Variants in FANCC observed in about 807,000 individuals in gnomAD.
FANCC encodes the protein Fanconi anemia group C protein.
In FANCC, 55 loss-of-function variants were observed where a neutral mutation model predicts 71.3. That is an observed-to-expected ratio of 0.77 (90% confidence interval 0.62 to 0.97). The LOEUF (loss-of-function observed/expected upper bound fraction) is 0.97, where lower values mean the gene tolerates loss of function less well. FANCC is among the 50% of genes least tolerant of loss of function. The pLI, the probability that FANCC is intolerant of heterozygous loss-of-function variation, is 0.00. For missense variants in FANCC, 678 were observed against 670.9 expected (o/e 1.01, Z -0.12); for synonymous variants, 275 against 244.9 (o/e 1.12, Z -1.15).
intron 1 of FANCC, among the ~76,000 whole-genome samples, chr9:95,276,802 A>G (rs1415724967): frequency 6.6e-6 from 1 of 152,232 alleles, no homozygotes; most frequent in Non-Finnish European, 1.5e-5. Flanking sequence ...TCTATTGTAC[A>G]GTAGGTTGAC....
At position 95,195,196 on chromosome 9, in the gene FANCC, CAAA is replaced by C. The variant is rs34771312; in HGVS notation, c.346-23052_346-23050del. Among the ~76,000 whole-genome samples, 177 of 42,576 alleles carry C rather than the reference CAAA, an allele frequency of 4.2e-3. No individual in the cohort carries two copies. The South Asian group carries it at 0.069, about 16-fold the overall frequency. 27.9% of individuals were successfully genotyped at this position (42,576 alleles called of 152,430 possible). On this transcript the variant is annotated intron_variant, in intron 4 of 14. Transcript: ENST00000289081. ...CTGGCAACAGAGTGAGACTCCGTCT[CAAA>C]AAAAAAAAAAAAAAAAAAAAAACCA... is the stretch of plus-strand genomic sequence containing the variant.
At position 95,293,727 on chromosome 9, in the gene FANCC, T is replaced by C. The variant is rs139112583; in HGVS notation, c.-79+23799A>G. The C allele has an allele frequency of 1.8e-3, 2,982 of 1,613,950 alleles. 55 individuals are homozygous for C. In the African/African-American group the frequency reaches 0.036, roughly 20 times the overall value. On this transcript the variant is annotated intron_variant, in intron 1 of 14. Coordinates refer to ENST00000289081, the MANE Select transcript of FANCC (RefSeq NM_000136.3). ...CATTAGTGTTCACACTCAGACATTT[T>C]TGCCCAGCTCTAAGGTAACTTCATC...
chr9:95,263,502 GTA>G (rs371617986), intron 1 of FANCC, among the ~76,000 whole-genome samples: 27 of 145,478 alleles, frequency 1.9e-4, no homozygotes, highest in African/African-American at 3.3e-4. Flanking sequence ...GTATGTATGT[GTA>G]TATATATATA....
chr9:95,195,718 C>T (rs1564742666), intron 4 of FANCC, among the ~76,000 whole-genome samples: 2 of 152,206 alleles, frequency 1.3e-5, no homozygotes, highest in Non-Finnish European at 2.9e-5. Flanking sequence ...GACATCTTTA[C>T]TAAGTTGAGT....
intron 1 of FANCC, among the ~76,000 whole-genome samples, chr9:95,252,705 A>C (rs1470157700): frequency 3.4e-5 from 5 of 146,792 alleles, no homozygotes; most frequent in South Asian, 2.2e-4. Context: ...AGATCACTCC[A>C]CTGCACTCCA....
chr9:95,223,323 T>C (rs1014342294), intron 4 of FANCC, among the ~76,000 whole-genome samples: 9 of 152,186 alleles, frequency 5.9e-5, no homozygotes, highest in African/African-American at 1.9e-4. Context: ...TGGCAGTCTT[T>C]GGTATTCCTT....
At chr9:95,240,933 C>T (rs998670580) in intron 3 of FANCC, among the ~76,000 whole-genome samples, 190 bp from the exon 4 acceptor site, 1 of 152,218 alleles carries the variant, frequency 6.6e-6, no homozygotes, top group African/African-American at 2.4e-5. Flanking sequence ...TATTTTCCCT[C>T]ACTCTATCTT....
At chr9:95,224,412 T>C (rs356689) in intron 4 of FANCC, among the ~76,000 whole-genome samples, 29,028 of 152,050 alleles carry the variant, frequency 0.19, 2,911 homozygotes, top group East Asian at 0.3. Context: ...AATATCTACC[T>C]TCATGGAGTT....
At chr9:95,212,134 C>T (rs907108707) in intron 4 of FANCC, among the ~76,000 whole-genome samples, 3 of 151,938 alleles carry the variant, frequency 2.0e-5, no homozygotes, top group African/African-American at 4.8e-5. Flanking sequence ...GAAAATCTCA[C>T]GTAGGTTAAC....
intron 6 of FANCC, among the ~76,000 whole-genome samples, chr9:95,152,332 A>G (rs1313230930): frequency 1.3e-5 from 2 of 152,252 alleles, no homozygotes; most frequent in African/African-American, 4.8e-5. Flanking sequence ...AAAGTAAAGA[A>G]TACTCAGAAG....
intron 4 of FANCC, among the ~76,000 whole-genome samples, chr9:95,200,926 A>G (rs1827767651): frequency 6.6e-6 from 1 of 152,238 alleles, no homozygotes; most frequent in Admixed American, 6.5e-5. Context: ...GAACATAGTC[A>G]AGTGTTCTTT....
chr9:95,300,060 G>C (rs1372339780), intron 1 of FANCC, among the ~76,000 whole-genome samples: 1 of 152,180 alleles, frequency 6.6e-6, no homozygotes, highest in Non-Finnish European at 1.5e-5. Context: ...AAAGCCACTT[G>C]ATATTAGCGG....
intron 1 of FANCC, among the ~76,000 whole-genome samples, chr9:95,284,520 G>A (rs1024780714): frequency 6.6e-6 from 1 of 152,158 alleles, no homozygotes; most frequent in Admixed American, 6.5e-5. Context: ...GTACTTGAGA[G>A]CAAGACTCAA....
chr9:95,291,307 G>C lies in FANCC; in HGVS notation c.-79+26219C>G, dbSNP rs141057380. On this transcript the variant is annotated intron_variant, in intron 1 of 14. Coordinates refer to ENST00000289081, the MANE Select transcript of FANCC (RefSeq NM_000136.3). The stretch of plus-strand genomic sequence containing the variant: ...ACTGTCTATGTTTACAGATGACACA[G>C]TACATAGAAAACCCTACAAATTCCA... Among the ~76,000 whole-genome samples, 619 of 152,104 alleles carry C rather than the reference G, an allele frequency of 4.1e-3. 3 individuals are homozygous for C. The highest frequency in any genetic ancestry group is 0.014 in the African/African-American group (584 of 41,504).
At chr9:95,193,924 C>G (rs1470563962) in intron 4 of FANCC, among the ~76,000 whole-genome samples, 2 of 152,162 alleles carry the variant, frequency 1.3e-5, no homozygotes, top group African/African-American at 4.8e-5. Flanking sequence ...GCCCAGGAAC[C>G]AGGAGGACAG....
In FANCC at chr9:95,099,516, G is replaced by T. The variant is rs2071011682; in HGVS notation, c.*2191C>A. ...TTGCCGAAATCGAAGGCAACAAGAG[G>T]GGGAGGTGGGCTTAAGAGTGCCTGC... is the stretch of plus-strand genomic sequence containing the variant. On this transcript the variant is annotated 3_prime_UTR_variant, in exon 15 of 15. Coordinates refer to ENST00000289081, the MANE Select transcript of FANCC (RefSeq NM_000136.3). 4.4e-6 allele frequency: 1 copy of T among 229,336 alleles called. No individual in the cohort carries two copies. The highest frequency in any genetic ancestry group is 2.2e-5 in the African/African-American group (1 of 44,836). 14.2% of individuals were successfully genotyped at this position (229,336 alleles called of 1,614,324 possible). A position where few individuals can be genotyped will look rare whatever the true frequency, so the allele number is the denominator to read the frequency against.
intron 1 of FANCC, among the ~76,000 whole-genome samples, chr9:95,300,001 C>A (rs1187927556): frequency 6.6e-6 from 1 of 152,142 alleles, no homozygotes; most frequent in Non-Finnish European, 1.5e-5. Context: ...ATCAGAACTC[C>A]CAGAAGTAGG....
At chr9:95,215,040 A>G (rs1828771199) in intron 4 of FANCC, among the ~76,000 whole-genome samples, 1 of 152,234 alleles carries the variant, frequency 6.6e-6, no homozygotes, top group African/African-American at 2.4e-5. Flanking sequence ...TAAAAGAAAC[A>G]TTAAAAATAG....
At chr9:95,301,223 A>T (rs912778036) in intron 1 of FANCC, among the ~76,000 whole-genome samples, 1 of 152,080 alleles carries the variant, frequency 6.6e-6, no homozygotes, top group Non-Finnish European at 1.5e-5. Flanking sequence ...TTAAAGTAAC[A>T]GAGGAGTTAA....
Sources: gnomAD v4.1 joint callset for allele counts (sites outside exome capture counted in the v4.1 genomes callset) on GRCh38, gnomAD v4.1.1 for gene constraint, MANE v1.5 for transcripts, NCBI Gene and HGNC (gene_info 2026-07-23, HGNC 2026-07-21) for gene names.